Variants in TRHDE observed in about 807,000 individuals in gnomAD.
TRHDE encodes thyrotropin releasing hormone degrading enzyme, also known as thyrotropin-releasing hormone-degrading ectoenzyme.
In TRHDE, 72 loss-of-function variants were observed where a neutral mutation model predicts 125.7. The observed-to-expected ratio is 0.57, with a 90% CI of 0.47 to 0.70. The LOEUF is 0.70. TRHDE is among the 30% of genes least tolerant of loss of function. The pLI is 0.00. For missense variants in TRHDE, 1,110 were observed against 1,327.1 expected (o/e 0.84, Z 2.54); for synonymous variants, 509 against 509.1 (o/e 1.00, Z 0.00).
intron 6 of TRHDE, among the ~76,000 whole-genome samples, chr12:72,535,816 T>A (rs1868830457): frequency 6.6e-6 from 1 of 152,188 alleles, no homozygotes; most frequent in Admixed American, 6.6e-5. Flanking sequence ...TTTCCACATA[T>A]GTCCAGAATT....
intron 3 of TRHDE, among the ~76,000 whole-genome samples, chr12:72,423,009 G>T (rs1209859815): frequency 6.6e-6 from 1 of 152,132 alleles, no homozygotes; most frequent in African/African-American, 2.4e-5. Flanking sequence ...TATAGCAGCA[G>T]AAAATGTACT....
At chr12:72,618,668 T>A (rs935933239) in intron 12 of TRHDE, among the ~76,000 whole-genome samples, 3 of 152,148 alleles carry the variant, frequency 2.0e-5, no homozygotes, top group Non-Finnish European at 4.4e-5. Context: ...TGCGTTCTGA[T>A]GTTTTTGTAT....
intron 2 of TRHDE, among the ~76,000 whole-genome samples, chr12:72,335,328 G>A (rs369041382): frequency 6.6e-6 from 1 of 152,138 alleles, no homozygotes. Flanking sequence ...ACCATTCCTT[G>A]AACTGCAGAC....
intron 3 of TRHDE, among the ~76,000 whole-genome samples, chr12:72,389,480 T>G (rs1041220673): frequency 1.3e-5 from 2 of 152,198 alleles, no homozygotes; most frequent in Non-Finnish European, 2.9e-5. Flanking sequence ...ACCGGGTGAC[T>G]AAACAACAGA....
intron 2 of TRHDE, among the ~76,000 whole-genome samples, chr12:72,375,531 A>C (rs1021397745): frequency 6.6e-6 from 1 of 152,206 alleles, no homozygotes; most frequent in East Asian, 1.9e-4. Context: ...AAAACAGGGA[A>C]GCGTCCTAAG....
intron 6 of TRHDE, among the ~76,000 whole-genome samples, chr12:72,509,247 C>A (rs1486566831): frequency 6.6e-6 from 1 of 151,852 alleles, no homozygotes; most frequent in Non-Finnish European, 1.5e-5. Context: ...CAGTTCTTTG[C>A]TGAAAATTCC....
chr12:72,315,257 T>A (rs4533084), intron 2 of TRHDE, among the ~76,000 whole-genome samples: 46,600 of 152,038 alleles, frequency 0.31, 7,376 homozygotes, highest in African/African-American at 0.38. Context: ...TAGACTCTGG[T>A]GAGATTAGGA....
intron 3 of TRHDE, among the ~76,000 whole-genome samples, chr12:72,378,436 A>T (rs1871997489): frequency 6.6e-6 from 1 of 152,124 alleles, no homozygotes; most frequent in South Asian, 2.1e-4. Context: ...AATCAGTAAA[A>T]CTACCATGAG....
intron 2 of TRHDE, among the ~76,000 whole-genome samples, chr12:72,203,111 G>C (rs915639864): frequency 1.3e-5 from 2 of 152,052 alleles, no homozygotes; most frequent in East Asian, 1.9e-4. Context: ...GTTCATCTTT[G>C]TGTGTGTATG....
At chr12:72,552,027 G>C (rs113329245) in intron 7 of TRHDE, among the ~76,000 whole-genome samples, 2,411 of 152,236 alleles carry the variant, frequency 0.016, 37 homozygotes, top group Non-Finnish European at 0.022. Context: ...GATGAGTAGA[G>C]TTAGTAAGAA....
chr12:72,621,263 A>G, intron 14 of TRHDE, 58 bp downstream of exon 14: 3 of 1,088,396 alleles, frequency 2.8e-6, no homozygotes, highest in South Asian at 2.7e-5. Flanking sequence ...ATAATGTACT[A>G]CTAGTGCCAT....
intron 9 of TRHDE, among the ~76,000 whole-genome samples, chr12:72,567,941 C>T (rs10784972): frequency 0.27 from 40,516 of 151,952 alleles, 8,149 homozygotes; most frequent in African/African-American, 0.54. Context: ...GGTCCCTGCA[C>T]GTTGGTGGAT....
chr12:72,603,598 G>A (rs558849899), intron 12 of TRHDE, among the ~76,000 whole-genome samples: 5 of 152,132 alleles, frequency 3.3e-5, no homozygotes, highest in Admixed American at 1.3e-4. Context: ...GGTGGCAGGC[G>A]CCTGTAGTCC....
At chr12:72,443,048 G>T (rs1466561484) in intron 3 of TRHDE, among the ~76,000 whole-genome samples, 2 of 151,712 alleles carry the variant, frequency 1.3e-5, no homozygotes, top group Non-Finnish European at 2.9e-5. Flanking sequence ...TAAAATACAG[G>T]TTCTTAGCAT....
intron 1 of TRHDE, among the ~76,000 whole-genome samples, chr12:72,087,693 G>T (rs1490721509): frequency 6.6e-6 from 1 of 152,146 alleles, no homozygotes; most frequent in Admixed American, 6.6e-5. Context: ...GCGGCAGTGG[G>T]TGGGTAAGAA....
At chr12:72,626,408 T>C (rs563599801) in intron 15 of TRHDE, among the ~76,000 whole-genome samples, 1 of 151,864 alleles carries the variant, frequency 6.6e-6, no homozygotes. Flanking sequence ...TAGTGGGTCG[T>C]GTGAATTTTA....
chr12:72,175,619 G>A (rs1284374013), intron 2 of TRHDE, among the ~76,000 whole-genome samples: 1 of 152,128 alleles, frequency 6.6e-6, no homozygotes, highest in East Asian at 1.9e-4. Flanking sequence ...AGTCAATGAG[G>A]TCACCTTTTT....
At chr12:72,091,738 C>G (rs1874795883) in intron 1 of TRHDE, among the ~76,000 whole-genome samples, 1 of 152,122 alleles carries the variant, frequency 6.6e-6, no homozygotes, top group Admixed American at 6.6e-5. Flanking sequence ...GTATGCCACC[C>G]AGAAGGAATG....
intron 12 of TRHDE, among the ~76,000 whole-genome samples, chr12:72,587,096 T>G (rs1373073049): frequency 6.6e-6 from 1 of 152,142 alleles, no homozygotes; most frequent in Non-Finnish European, 1.5e-5. Flanking sequence ...ATCCATGACA[T>G]GTTGAGGGAA....
Sources: gnomAD v4.1 joint callset for allele counts (sites outside exome capture counted in the v4.1 genomes callset) on GRCh38, gnomAD v4.1.1 for gene constraint, MANE v1.5 for transcripts, NCBI Gene and HGNC (gene_info 2026-07-23, HGNC 2026-07-21) for gene names.